The following NFIB variants were observed in gnomAD, a reference collection of about 807,000 sequenced individuals.
NFIB encodes the protein nuclear factor I B.
A neutral mutation model predicts 61.5 loss-of-function variants in NFIB; 11 were observed. The observed-to-expected ratio is 0.18, with a 90% CI of 0.11 to 0.30. NFIB has a LOEUF of 0.30. NFIB is among the 10% of genes least tolerant of loss of function. The pLI is 1.00. For synonymous variants in NFIB, 260 were observed against 216.5 expected, an observed-to-expected ratio of 1.20 and a Z score of -1.76; for missense variants, 471 against 608.9, an observed-to-expected ratio of 0.77 and a Z score of 2.38.
chr9:14,374,515 G>C (rs1008064540), intron 1 of NFIB, among the ~76,000 whole-genome samples: 1 of 152,212 alleles, frequency 6.6e-6, no homozygotes, highest in African/African-American at 2.4e-5. Flanking sequence ...GTTGAGAAAT[G>C]GGTTGTTTAC....
intron 2 of NFIB, among the ~76,000 whole-genome samples, chr9:14,305,462 G>A (rs71511082): frequency 0.018 from 2,672 of 152,210 alleles, 87 homozygotes; most frequent in East Asian, 0.11. Context: ...AATCAAATAA[G>A]TGTCATGTGT....
chr9:14,161,765 T>C (rs1324810984), intron 3 of NFIB, among the ~76,000 whole-genome samples: 1 of 152,184 alleles, frequency 6.6e-6, no homozygotes, highest in Non-Finnish European at 1.5e-5. Flanking sequence ...TTGTCAGCCA[T>C]TCTCATGATT....
At chr9:14,342,949 T>C (rs1190951407) in intron 1 of NFIB, among the ~76,000 whole-genome samples, 1 of 152,014 alleles carries the variant, frequency 6.6e-6, no homozygotes, top group African/African-American at 2.4e-5. Flanking sequence ...GTTGTTTTCA[T>C]ATGTTTTTGT....
chr9:14,127,072 C>A (rs868803080), intron 6 of NFIB, among the ~76,000 whole-genome samples: 1 of 152,010 alleles, frequency 6.6e-6, no homozygotes, highest in Non-Finnish European at 1.5e-5. Flanking sequence ...TTTAATACTG[C>A]CAAAAGATAG....
chr9:14,495,445 A>ATTTTTTTTTTTTTTTTTTT, the NFIB span, among the ~76,000 whole-genome samples: 4 of 98,080 alleles, frequency 4.1e-5, no homozygotes, highest in Non-Finnish European at 5.7e-5. Flanking sequence ...AGAGAAATGA[A>ATTTTTTTTTTTTTTTTTTT]CTTTTTTTTT....
chr9:14,144,958 G>A (rs997359209), intron 6 of NFIB, among the ~76,000 whole-genome samples: 17 of 152,232 alleles, frequency 1.1e-4, no homozygotes, highest in African/African-American at 4.1e-4. Flanking sequence ...TTGGTGATAT[G>A]AAAAGATTCC....
At chr9:14,237,629 G>A (rs1252292648) in intron 2 of NFIB, among the ~76,000 whole-genome samples, 1 of 152,108 alleles carries the variant, frequency 6.6e-6, no homozygotes, top group Non-Finnish European at 1.5e-5. Flanking sequence ...GAAAGCTGAG[G>A]CATCCAAAAG....
At chr9:14,273,970 CAT>C (rs2057810957) in intron 2 of NFIB, among the ~76,000 whole-genome samples, 1 of 152,028 alleles carries the variant, frequency 6.6e-6, no homozygotes, top group Admixed American at 6.6e-5. Context: ...CCTCTGATGT[CAT>C]ATAATAGATT....
intron 6 of NFIB, among the ~76,000 whole-genome samples, chr9:14,129,987 A>G (rs1391273727): frequency 6.6e-6 from 1 of 152,188 alleles, no homozygotes; most frequent in Non-Finnish European, 1.5e-5. Context: ...GCTTAAAATC[A>G]GACAGAACAA....
At chr9:14,457,817 G>T in the NFIB span, among the ~76,000 whole-genome samples, 1 of 152,130 alleles carries the variant, frequency 6.6e-6, no homozygotes, top group East Asian at 1.9e-4. Flanking sequence ...ACTAAACCAG[G>T]AAGAAGTGGA....
chr9:14,305,844 G>A, intron 2 of NFIB: 1 of 398,064 alleles, frequency 2.5e-6, no homozygotes, highest in Non-Finnish European at 4.4e-6. Context: ...GCTATCTGCA[G>A]GCCATTTTTC....
Position 14,099,977 on chromosome 9 carries a change from C to T in NFIB, c.1468-11651G>A, listed in dbSNP as rs186260925. Among the ~76,000 whole-genome samples the T allele has an allele frequency of 3.3e-5, 5 of 152,134 alleles. No homozygotes were observed. In the East Asian group the frequency reaches 9.7e-4, roughly 29 times the overall value. On this transcript the variant is annotated intron_variant, in intron 10 of 10. Coordinates refer to ENST00000380953, the MANE Select transcript of NFIB (RefSeq NM_001190737.2). ...ATCCCAGCTACTCTGGTAGCTGAGG[C>T]GTTAAGAATCACTTGAACCTGGGAA... is the stretch of plus-strand genomic sequence containing the variant.
chr9:14,447,393 G>A, the NFIB span, among the ~76,000 whole-genome samples: 3 of 152,138 alleles, frequency 2.0e-5, no homozygotes, highest in African/African-American at 7.2e-5. Context: ...GAAAGAAGAT[G>A]TGTTCTTTAG....
intron 2 of NFIB, among the ~76,000 whole-genome samples, chr9:14,261,635 CCTT>C (rs1563954640): frequency 6.6e-6 from 1 of 152,114 alleles, no homozygotes; most frequent in South Asian, 2.1e-4. Flanking sequence ...TATATACACT[CCTT>C]CTTAGAGGAA....
chr9:14,181,447 A>G (rs2046765144), intron 2 of NFIB, among the ~76,000 whole-genome samples: 1 of 152,196 alleles, frequency 6.6e-6, no homozygotes, highest in Admixed American at 6.5e-5. Context: ...TCTCCCATGA[A>G]GTCCTCTTAT....
chr9:14,280,110 G>C (rs1417099220), intron 2 of NFIB, among the ~76,000 whole-genome samples: 2 of 152,154 alleles, frequency 1.3e-5, no homozygotes, highest in Admixed American at 1.3e-4. Flanking sequence ...TGTATATCTA[G>C]TTTAGTACAA....
rs77667567 is a variant in NFIB, at chr9:14,235,188, T to C, written c.563-55408A>G. Among the ~76,000 whole-genome samples, 12 of 152,304 alleles carry C rather than the reference T, an allele frequency of 7.9e-5. No individual in the cohort carries two copies. In the East Asian group the frequency reaches 2.3e-3, roughly 29 times the overall value. ...CTCAGAAAAAAAGACTTCACACTAA[T>C]TCACTCCATCTCATTCCTTTAAAAT... On this transcript the variant is annotated intron_variant, in intron 2 of 10. Coordinates refer to ENST00000380953, the MANE Select transcript of NFIB (RefSeq NM_001190737.2).
chr9:14,458,465 G>A, the NFIB span, among the ~76,000 whole-genome samples: 1 of 152,214 alleles, frequency 6.6e-6, no homozygotes, highest in Non-Finnish European at 1.5e-5. Context: ...ACAAGACAGG[G>A]ATGCCCTCTC....
intron 6 of NFIB, among the ~76,000 whole-genome samples, chr9:14,139,115 T>C (rs1029867751): frequency 1.3e-5 from 2 of 152,140 alleles, no homozygotes; most frequent in Non-Finnish European, 2.9e-5. Context: ...TAAGTTTACA[T>C]ACTGATTCCC....
Sources: gnomAD v4.1 joint callset for allele counts (sites outside exome capture counted in the v4.1 genomes callset) on GRCh38, gnomAD v4.1.1 for gene constraint, MANE v1.5 for transcripts, NCBI Gene and HGNC (gene_info 2026-07-23, HGNC 2026-07-21) for gene names.